FRMD6: variants seen among roughly 807,000 people sequenced by gnomAD.
FRMD6 encodes FERM domain containing 6, also known as FERM domain-containing protein 6.
A neutral mutation model predicts 73.2 loss-of-function variants in FRMD6; 37 were observed. That is an observed-to-expected ratio of 0.51 (90% CI 0.39 to 0.66). FRMD6 has a LOEUF of 0.66. FRMD6 is among the 30% of genes least tolerant of loss of function. The probability of loss-of-function intolerance (pLI) is 0.00; values close to 1 mark genes in which losing one functional copy is unlikely to be tolerated. For synonymous variants in FRMD6, 273 were observed against 282.2 expected (o/e 0.97, Z 0.33); for missense variants, 714 against 780.5 (o/e 0.91, Z 1.02).
chr14:51,636,229 A>G (rs1891554712), intron 2 of FRMD6, among the ~76,000 whole-genome samples: 1 of 152,218 alleles, frequency 6.6e-6, no homozygotes, highest in African/African-American at 2.4e-5. Context: ...GTGAAGGACA[A>G]TTGAGGTTTG....
intron 2 of FRMD6, among the ~76,000 whole-genome samples, chr14:51,691,461 T>A (rs924587497): frequency 6.6e-6 from 1 of 152,176 alleles, no homozygotes; most frequent in East Asian, 1.9e-4. Context: ...CTCTGTGTTA[T>A]CAACTTTCAT....
intron 2 of FRMD6, chr14:51,637,353 G>C (rs1380729205): frequency 1.3e-5 from 2 of 152,060 alleles, no homozygotes; most frequent in Admixed American, 1.3e-4. Context: ...CAAAATCCTT[G>C]AAAAATTGAT....
chr14:51,432,976 C>T, the FRMD6 span, among the ~76,000 whole-genome samples: 1 of 152,220 alleles, frequency 6.6e-6, no homozygotes, highest in African/African-American at 2.4e-5. Context: ...CTTGTTCACA[C>T]TCACTCATAA....
At chr14:51,700,962 C>A in intron 3 of FRMD6, 94 bp from the exon 4 acceptor site, 1 of 564,636 alleles carries the variant, frequency 1.8e-6, no homozygotes, top group Non-Finnish European at 3.0e-6. Context: ...ATTCACAAGT[C>A]TTGAGGCTTT....
chr14:51,437,520 C>T, the FRMD6 span, among the ~76,000 whole-genome samples: 17,601 of 152,218 alleles, frequency 0.12, 1,167 homozygotes, highest in Non-Finnish European at 0.14. Context: ...GCCAGGATGG[C>T]CTCAATCTCC....
chr14:51,537,744 C>T (rs1885976622), intron 1 of FRMD6, among the ~76,000 whole-genome samples: 1 of 152,126 alleles, frequency 6.6e-6, no homozygotes. Flanking sequence ...ATTTGCAATT[C>T]CCTAATAACG....
intron 1 of FRMD6, among the ~76,000 whole-genome samples, chr14:51,657,970 G>A (rs1892952955): frequency 6.6e-6 from 1 of 152,172 alleles, no homozygotes; most frequent in African/African-American, 2.4e-5. Context: ...GCCAGTAGTA[G>A]AAGCTGCTCT....
At chr14:51,431,831 G>A in the FRMD6 span, among the ~76,000 whole-genome samples, 1 of 152,160 alleles carries the variant, frequency 6.6e-6, no homozygotes, top group Non-Finnish European at 1.5e-5. Flanking sequence ...TGCAAGTAGA[G>A]CAGCTTTTAG....
chr14:51,541,547 A>T (rs1298035175), intron 1 of FRMD6, among the ~76,000 whole-genome samples: 1 of 152,058 alleles, frequency 6.6e-6, no homozygotes, highest in Non-Finnish European at 1.5e-5. Flanking sequence ...ACAAAAACTG[A>T]GAGACAAAAC....
intron 1 of FRMD6, among the ~76,000 whole-genome samples, chr14:51,511,217 C>A (rs543071609): frequency 1.3e-5 from 2 of 152,278 alleles, no homozygotes; most frequent in Admixed American, 1.3e-4. Flanking sequence ...TTGGTCTTAA[C>A]TACAGTTATT....
chr14:51,464,914 A>G, the FRMD6 span, among the ~76,000 whole-genome samples: 1 of 152,208 alleles, frequency 6.6e-6, no homozygotes, highest in African/African-American at 2.4e-5. Flanking sequence ...ACTGAAATTT[A>G]GGAGCCCTCC....
At chr14:51,560,934 G>C (rs1008529101) in intron 1 of FRMD6, among the ~76,000 whole-genome samples, 5 of 152,180 alleles carry the variant, frequency 3.3e-5, no homozygotes, top group Admixed American at 1.3e-4. Context: ...AAAGTAATCT[G>C]ATGTTTGCAT....
intron 2 of FRMD6, among the ~76,000 whole-genome samples, chr14:51,630,608 A>C (rs770099410): frequency 6.6e-6 from 1 of 152,082 alleles, no homozygotes; most frequent in African/African-American, 2.4e-5. Flanking sequence ...GTAGCCAGGC[A>C]TGGTGGCATG....
intron 12 of FRMD6, 131 bp downstream of exon 12, chr14:51,722,211 C>T (rs1897668135): frequency 1.1e-6 from 1 of 875,804 alleles, no homozygotes; most frequent in Non-Finnish European, 1.7e-6. Context: ...AGAGTCTCTT[C>T]AGGTCAGTGT....
intron 1 of FRMD6, among the ~76,000 whole-genome samples, chr14:51,656,302 A>T (rs1892816682): frequency 6.6e-6 from 1 of 152,264 alleles, no homozygotes; most frequent in South Asian, 2.1e-4. Flanking sequence ...CTTCAAGTCA[A>T]GAAGAGAAAA....
intron 1 of FRMD6, among the ~76,000 whole-genome samples, chr14:51,558,167 C>A (rs115577763): frequency 0.012 from 1,869 of 152,130 alleles, 31 homozygotes; most frequent in African/African-American, 0.042. Flanking sequence ...TTAATAAATA[C>A]CTTTTTAAAA....
At chr14:51,522,601 G>C (rs1885011872) in intron 1 of FRMD6, among the ~76,000 whole-genome samples, 1 of 152,128 alleles carries the variant, frequency 6.6e-6, no homozygotes, top group Admixed American at 6.6e-5. Flanking sequence ...TTAAAAGTCA[G>C]TCATGTGTAT....
intron 2 of FRMD6, among the ~76,000 whole-genome samples, chr14:51,633,052 G>T (rs958337885): frequency 6.6e-6 from 1 of 152,106 alleles, no homozygotes; most frequent in Non-Finnish European, 1.5e-5. Context: ...AAGATGTCTA[G>T]AATTTGCTTT....
At chr14:51,688,481 T>C (rs1201260284) in intron 1 of FRMD6, among the ~76,000 whole-genome samples, 1 of 152,224 alleles carries the variant, frequency 6.6e-6, no homozygotes, top group Non-Finnish European at 1.5e-5. Context: ...ATAAGAGTTA[T>C]ACATTTAACC....
Sources: gnomAD v4.1 joint callset for allele counts (sites outside exome capture counted in the v4.1 genomes callset) on GRCh38, gnomAD v4.1.1 for gene constraint, MANE v1.5 for transcripts, NCBI Gene and HGNC (gene_info 2026-07-23, HGNC 2026-07-21) for gene names.